ASB7: variants seen among roughly 807,000 people sequenced by gnomAD.
ASB7 encodes ankyrin repeat and SOCS box protein 7.
A neutral mutation model predicts 32.5 loss-of-function variants in ASB7; 4 were observed. The observed-to-expected ratio is 0.12, with a 90% CI of 0.06 to 0.28. The LOEUF (loss-of-function observed/expected upper bound fraction) is 0.28, where lower values mean the gene tolerates loss of function less well. Ranked by LOEUF, ASB7 falls within the 10% of genes least tolerant of loss-of-function variation. The pLI is 1.00. For synonymous variants in ASB7, 172 were observed against 155.6 expected (o/e 1.11, Z -0.78); for missense variants, 181 against 407.1 (o/e 0.44, Z 4.78).
chr15:100,607,929 T>C (rs2039660810), intron 2 of ASB7, among the ~76,000 whole-genome samples: 1 of 152,222 alleles, frequency 6.6e-6, no homozygotes, highest in South Asian at 2.1e-4. Flanking sequence ...CCTATTCTGC[T>C]CAGCTCTCAT....
intron 5 of ASB7, among the ~76,000 whole-genome samples, chr15:100,639,402 ATAACT>A (rs899241987): frequency 3.3e-5 from 5 of 152,246 alleles, no homozygotes; most frequent in Admixed American, 1.3e-4. Flanking sequence ...AAACTTTAAA[ATAACT>A]TAAATAAGGA....
intron 2 of ASB7, chr15:100,609,496 G>A (rs1176656304): frequency 6.6e-6 from 1 of 152,080 alleles, no homozygotes; most frequent in Non-Finnish European, 1.5e-5. Context: ...TGCATTTTGG[G>A]GGGAAAAGCC....
At chr15:100,633,807 T>A (rs1017778314) in intron 5 of ASB7, among the ~76,000 whole-genome samples, 3 of 152,060 alleles carry the variant, frequency 2.0e-5, no homozygotes, top group Non-Finnish European at 4.4e-5. Flanking sequence ...GCAAGTGAAG[T>A]GGCCAGGGCA....
chr15:100,603,166 C>T (rs3764202), intron 1 of ASB7, 49 bp from the exon 2 acceptor site: 48,878 of 393,212 alleles, frequency 0.12, 3,406 homozygotes, highest in Middle Eastern at 0.15. Context: ...GAGCTCCCCC[C>T]TCCCCACCTC....
chr15:100,602,962 C>T lies in ASB7; in HGVS notation c.-357C>T, dbSNP rs2039568396. ...GGATCAGGAACACCAGGGTCCGGCCCTGCCTGGGGTATTTCTTCAATGGAG... is the reference window on the plus strand; with the variant it reads ...GGATCAGGAACACCAGGGTCCGGCCTTGCCTGGGGTATTTCTTCAATGGAG... On this transcript the variant is annotated 5_prime_UTR_variant, in exon 1 of 6. Coordinates refer to ENST00000332783, the MANE Select transcript of ASB7 (RefSeq NM_198243.3). The T allele has an allele frequency of 2.5e-6, 1 of 399,026 alleles. No individual in the cohort carries two copies. The highest frequency in any genetic ancestry group is 1.3e-4 in the South Asian group (1 of 7,882). 24.7% of individuals were successfully genotyped at this position (399,026 alleles called of 1,614,324 possible). A position where few individuals can be genotyped will look rare whatever the true frequency, so the allele number is the denominator to read the frequency against.
At chr15:100,606,342 G>T (rs1029898486) in intron 2 of ASB7, among the ~76,000 whole-genome samples, 1 of 152,164 alleles carries the variant, frequency 6.6e-6, no homozygotes, top group African/African-American at 2.4e-5. Context: ...TGTGACATCA[G>T]AAAGCACAGT....
In ASB7 at chr15:100,603,056, TTTA is replaced by T. The variant is rs2039572447; in HGVS notation, c.-273+11_-273+13del. 2.5e-6 allele frequency: 1 copy of T among 399,118 alleles called. No homozygotes were observed. The highest frequency in any genetic ancestry group is 4.4e-6 in the Non-Finnish European group (1 of 226,592). The allele number at this position is 399,118 out of a possible 1,614,324, so 24.7% of individuals were successfully genotyped here. ...GCAGCTGAGGAGACAGGTAAAGTCC[TTTA>T]CTTCCCCCGAGGGGAAGAGTGCTGG... On this transcript the variant is annotated intron_variant, in intron 1 of 5. Transcript: ENST00000332783.
chr15:100,612,550 CTCCTT>C, intron 4 of ASB7, 123 bp downstream of exon 4: 2 of 907,242 alleles, frequency 2.2e-6, no homozygotes, highest in Admixed American at 4.7e-5. Flanking sequence ...ATTATTCTCT[CTCCTT>C]TGTGAAGATT....
intron 4 of ASB7, among the ~76,000 whole-genome samples, chr15:100,627,997 C>A (rs545620577): frequency 1.3e-4 from 20 of 152,292 alleles, no homozygotes; most frequent in Middle Eastern, 3.4e-3. Context: ...CAGATGGCAG[C>A]AAAATGCTGT....
intron 4 of ASB7, among the ~76,000 whole-genome samples, chr15:100,618,980 A>C (rs1447092162): frequency 6.6e-6 from 1 of 152,246 alleles, no homozygotes; most frequent in Non-Finnish European, 1.5e-5. Flanking sequence ...TCATTACTTC[A>C]TAAGCAGTGG....
intron 5 of ASB7, among the ~76,000 whole-genome samples, chr15:100,633,867 A>G (rs997778816): frequency 4.6e-5 from 7 of 152,144 alleles, no homozygotes; most frequent in African/African-American, 7.2e-5. Context: ...AAAGTGGAAT[A>G]ATGTGTACAT....
chr15:100,632,860 A>AAC (rs200442643), intron 5 of ASB7, among the ~76,000 whole-genome samples: 2,668 of 86,652 alleles, frequency 0.031, 52 homozygotes, highest in African/African-American at 0.085. Context: ...ATAGTGCAAA[A>AAC]AAAAAAAAAA....
intron 5 of ASB7, among the ~76,000 whole-genome samples, chr15:100,632,050 C>G (rs1280312734): frequency 6.6e-6 from 1 of 152,236 alleles, no homozygotes; most frequent in Admixed American, 6.5e-5. Flanking sequence ...GGGCGGCTGC[C>G]GTGTGTCCCT....
intron 5 of ASB7, among the ~76,000 whole-genome samples, chr15:100,641,368 AAT>A (rs1354749641): frequency 6.6e-6 from 1 of 152,200 alleles, no homozygotes; most frequent in Non-Finnish European, 1.5e-5. Flanking sequence ...TTCTGAAAAA[AAT>A]AGCTCCTTAG....
intron 5 of ASB7, among the ~76,000 whole-genome samples, chr15:100,644,832 G>A (rs1247996218): frequency 6.6e-6 from 1 of 152,184 alleles, no homozygotes. Flanking sequence ...ACATGAGTGT[G>A]TGTGTGTCAC....
intron 4 of ASB7, among the ~76,000 whole-genome samples, chr15:100,626,500 A>G (rs950118374): frequency 5.9e-5 from 9 of 152,192 alleles, no homozygotes; most frequent in Non-Finnish European, 1.3e-4. Context: ...TGAGAATGTA[A>G]GATGGTGTAG....
intron 2 of ASB7, among the ~76,000 whole-genome samples, chr15:100,606,855 C>G (rs1331940960): frequency 1.3e-5 from 2 of 152,020 alleles, no homozygotes; most frequent in African/African-American, 4.8e-5. Context: ...ACATACATAA[C>G]TTACAAAATT....
At position 100,619,572 on chromosome 15, in the gene ASB7, G is replaced by T. The variant is rs570386127; in HGVS notation, c.211+7145G>T. On this transcript the variant is annotated intron_variant, in intron 4 of 5. Transcript: ENST00000332783. ...AGATTAGTAAAGGAGCAGGAGGGAA[G>T]CTAGCCAGATGCAGTTTAATAAATG... 6.6e-5 allele frequency among the ~76,000 whole-genome samples: 10 copies of T among 152,298 alleles called. No homozygotes were observed. The South Asian group carries it at 1.9e-3, about 28-fold the overall frequency.
At position 100,648,624 on chromosome 15, in the gene ASB7, G is replaced by A. The variant is rs1376689653; in HGVS notation, c.*162G>A. ...GTTTGTTTGGTTGGTTTTCATTGTA[G>A]GGGAGGGATTTTTTATATATATATA... On this transcript the variant is annotated 3_prime_UTR_variant, in exon 6 of 6. Coordinates refer to ENST00000332783, the MANE Select transcript of ASB7 (RefSeq NM_198243.3). The A allele has an allele frequency of 2.3e-5, 12 of 529,986 alleles. No individual in the cohort carries two copies. Among genetic ancestry groups the A allele is most frequent in the Non-Finnish European group, 3.2e-5 (10 of 312,974 alleles). The allele number at this position is 529,986 out of a possible 1,614,324, so 32.8% of individuals were successfully genotyped here.
Sources: allele counts gnomAD v4.1 joint callset (sites outside exome capture counted in the v4.1 genomes callset), GRCh38; gene constraint gnomAD v4.1.1; transcripts MANE v1.5; gene names NCBI Gene and HGNC (gene_info 2026-07-23, HGNC 2026-07-21).